Variants in MORC1 observed in about 807,000 individuals in gnomAD.
The protein encoded by MORC1 is MORC family CW-type zinc finger 1, also known as MORC family CW-type zinc finger protein 1.
MORC1 carries 59 observed loss-of-function variants against 134.9 expected under a neutral mutation model. That is an observed-to-expected ratio of 0.44 (90% CI 0.35 to 0.54). The LOEUF (loss-of-function observed/expected upper bound fraction) is 0.54. MORC1 is among the 20% of genes least tolerant of loss of function. The pLI is 0.00. For missense variants in MORC1, 947 were observed against 1,134.5 expected (o/e 0.83, Z 2.37); for synonymous variants, 395 against 391.7 (o/e 1.01, Z -0.10).
intron 4 of MORC1, 146 bp downstream of exon 4, chr3:109,103,703 C>A: frequency 1.6e-6 from 1 of 626,870 alleles, no homozygotes; most frequent in Non-Finnish European, 2.7e-6. Context: ...GATACTTAAA[C>A]CTAAAAAGTT....
At chr3:109,045,700 C>G (rs1448792438) in intron 14 of MORC1, among the ~76,000 whole-genome samples, 1 of 152,120 alleles carries the variant, frequency 6.6e-6, no homozygotes, top group African/African-American at 2.4e-5. Context: ...TTTCTCTTGG[C>G]TCCTGGGTAT....
At chr3:108,972,133 T>C (rs1403853771) in intron 24 of MORC1, among the ~76,000 whole-genome samples, 2 of 152,208 alleles carry the variant, frequency 1.3e-5, no homozygotes, top group Admixed American at 6.5e-5. Flanking sequence ...GTGGTGGCCA[T>C]TGTTCTGACA....
At chr3:108,977,213 T>C (rs1161484176) in intron 24 of MORC1, among the ~76,000 whole-genome samples, 1 of 152,156 alleles carries the variant, frequency 6.6e-6, no homozygotes, top group Non-Finnish European at 1.5e-5. Flanking sequence ...AGACTTGTAA[T>C]GTGTTAGTTC....
chr3:109,003,391 G>GCGCACA (rs5851629), intron 20 of MORC1, among the ~76,000 whole-genome samples: 1 of 146,650 alleles, frequency 6.8e-6, no homozygotes, highest in African/African-American at 2.5e-5. Flanking sequence ...ATATGTGTAT[G>GCGCACA]CACACACACA....
chr3:109,019,012 C>A (rs1057473175), intron 17 of MORC1: 1 of 152,216 alleles, frequency 6.6e-6, no homozygotes, highest in African/African-American at 2.4e-5. Context: ...CGGTTCCATG[C>A]TCAGGAGAGA....
chr3:109,014,957 C>T (rs1232662146), intron 17 of MORC1, among the ~76,000 whole-genome samples: 2 of 152,180 alleles, frequency 1.3e-5, no homozygotes, highest in Non-Finnish European at 2.9e-5. Context: ...GTAATCTCGG[C>T]TCACTGCAAC....
intron 16 of MORC1, among the ~76,000 whole-genome samples, chr3:109,029,787 T>C (rs1248708969): frequency 5.9e-5 from 9 of 152,194 alleles, no homozygotes; most frequent in Non-Finnish European, 7.3e-5. Flanking sequence ...CACTAAAAAG[T>C]ATCTGAATGA....
At position 109,024,884 on chromosome 3, in the gene MORC1, T is replaced by C. The variant is rs1339773661; in HGVS notation, c.1704+2867A>G. On this transcript the variant is annotated intron_variant, in intron 17 of 27. Transcript: ENST00000232603. ...ATGGCCTGTTTTTCTAGCTTTCCCA[T>C]CCTTTCTTATCTCACATTCCAAAAC... Among the ~76,000 whole-genome samples the C allele has an allele frequency of 1.3e-5, 2 of 152,234 alleles. 1 individual carries two copies. The highest frequency in any genetic ancestry group is 2.9e-5 in the Non-Finnish European group (2 of 68,042).
chr3:109,064,345 TG>T (rs1314858273), intron 9 of MORC1, among the ~76,000 whole-genome samples: 32 of 152,244 alleles, frequency 2.1e-4, no homozygotes, highest in Middle Eastern at 3.4e-3. Context: ...ACTATTTTTA[TG>T]AGGAAAATAG....
In MORC1 at chr3:109,114,427, T is replaced by C. The variant is rs1347023801; in HGVS notation, c.76A>G (p.Ser26Gly). Residue 26 changes from serine to glycine, a missense_variant, in exon 2 of 28, where the codon AGT (serine) becomes GGT (glycine). By Grantham distance (56) the Ser-to-Gly change is moderately conservative. This residue lies in a region of MORC1 where 214 missense variants were observed against 281.3 expected (regional missense o/e 0.76). Transcript: ENST00000232603. Reference sequence around the variant, plus strand: ...TCAGCCAGTGCTCCAAAAAGGAAACTGTGAGTGGTGCTGATGAAGAAATAA... The same window carrying C: ...TCAGCCAGTGCTCCAAAAAGGAAACCGTGAGTGGTGCTGATGAAGAAATAA... ...DFIHANSTTH[S>G]FLFGALAELL... The C allele has an allele frequency of 1.2e-6, 2 of 1,613,152 alleles. No individual in the cohort carries two copies. Among genetic ancestry groups the C allele is most frequent in the East Asian group, 2.2e-5 (1 of 44,790 alleles).
At chr3:109,102,657 C>T (rs1231002277) in intron 4 of MORC1, among the ~76,000 whole-genome samples, 1 of 152,114 alleles carries the variant, frequency 6.6e-6, no homozygotes, top group Admixed American at 6.5e-5. Flanking sequence ...ATATCCGTCA[C>T]TTGTCTGTGT....
At chr3:109,054,391 A>G (rs1312473099) in intron 14 of MORC1, among the ~76,000 whole-genome samples, 1 of 152,270 alleles carries the variant, frequency 6.6e-6, no homozygotes, top group African/African-American at 2.4e-5. Flanking sequence ...GCATGGGACT[A>G]TGTGCTCTCA....
At chr3:109,077,799 T>C (rs556278641) in intron 8 of MORC1, among the ~76,000 whole-genome samples, 1 of 152,166 alleles carries the variant, frequency 6.6e-6, no homozygotes, top group South Asian at 2.1e-4. Context: ...AAGTGTGAAT[T>C]AGCTAAAAGA....
intron 9 of MORC1, among the ~76,000 whole-genome samples, chr3:109,067,516 T>C (rs992716297): frequency 9.2e-5 from 14 of 152,198 alleles, no homozygotes; most frequent in Admixed American, 9.2e-4. Flanking sequence ...ACACTCAATT[T>C]ACTAAAACTC....
At chr3:109,060,277 T>G (rs1576693563) in intron 11 of MORC1, among the ~76,000 whole-genome samples, 1 of 151,322 alleles carries the variant, frequency 6.6e-6, no homozygotes, top group South Asian at 2.1e-4. Context: ...AAAAAAAAGA[T>G]AATTGAGAAA....
intron 17 of MORC1, among the ~76,000 whole-genome samples, chr3:109,014,436 C>CA: frequency 6.6e-6 from 1 of 152,174 alleles, no homozygotes; most frequent in African/African-American, 2.4e-5. Context: ...AACAGTACCA[C>CA]AAGTCTACTC....
At chr3:109,059,749 G>T in intron 12 of MORC1, 57 bp downstream of exon 12, 1 of 1,488,866 alleles carries the variant, frequency 6.7e-7, no homozygotes, top group Admixed American at 2.0e-5. Context: ...TTAGAAACCA[G>T]AATTTGTTTT....
At chr3:109,057,305 T>C in intron 13 of MORC1, 38 bp downstream of exon 13, 1 of 1,581,780 alleles carries the variant, frequency 6.3e-7, no homozygotes. Flanking sequence ...TAACATCCCT[T>C]TCTCTGCTTA....
At chr3:109,059,428 A>G (rs982327839) in intron 12 of MORC1, among the ~76,000 whole-genome samples, 2 of 152,198 alleles carry the variant, frequency 1.3e-5, no homozygotes, top group Admixed American at 1.3e-4. Flanking sequence ...AGAAACTGGA[A>G]CCAACTCTCC....
Sources: gnomAD v4.1 joint callset for allele counts (sites outside exome capture counted in the v4.1 genomes callset) on GRCh38, gnomAD v4.1.1 for gene constraint, gnomAD v4.1.1 regional missense constraint, MANE v1.5 for transcripts, NCBI Gene and HGNC (gene_info 2026-07-23, HGNC 2026-07-21) for gene names.